The following ZFYVE9 variants were observed in gnomAD, a reference collection of about 807,000 sequenced individuals.
ZFYVE9 encodes the protein zinc finger FYVE-type containing 9, also known as zinc finger FYVE domain-containing protein 9.
A neutral mutation model predicts 126.7 loss-of-function variants in ZFYVE9; 43 were observed. The observed-to-expected ratio is 0.34, with a 90% confidence interval of 0.27 to 0.44. The LOEUF is 0.44. Ranked by LOEUF, ZFYVE9 falls within the 20% of genes least tolerant of loss-of-function variation. The probability of loss-of-function intolerance (pLI) is 1.00; values close to 1 mark genes in which losing one functional copy is unlikely to be tolerated. For missense variants in ZFYVE9, 1,476 were observed against 1,697.0 expected (o/e 0.87, Z 2.29); for synonymous variants, 521 against 597.4 (o/e 0.87, Z 1.87).
intron 17 of ZFYVE9, 22 bp from the exon 18 acceptor site, chr1:52,344,745 AG>A: frequency 6.2e-7 from 1 of 1,611,060 alleles, no homozygotes; most frequent in Non-Finnish European, 8.5e-7. Context: ...CAAGTTTAAA[AG>A]TCTCTTTTGT....
intron 1 of ZFYVE9, among the ~76,000 whole-genome samples, chr1:52,198,890 C>T (rs1644896066): frequency 6.6e-6 from 1 of 152,170 alleles, no homozygotes; most frequent in South Asian, 2.1e-4. Context: ...ACATCATTAT[C>T]ACCCAAAGAT....
intron 2 of ZFYVE9, among the ~76,000 whole-genome samples, chr1:52,217,203 T>A (rs1645079795): frequency 6.6e-6 from 1 of 152,196 alleles, no homozygotes; most frequent in African/African-American, 2.4e-5. Context: ...CTGTATCTTT[T>A]CCCTATTGGC....
At chr1:52,179,918 A>G in intron 1 of ZFYVE9, 1 of 1,032,416 alleles carries the variant, frequency 9.7e-7, no homozygotes, top group Non-Finnish European at 1.5e-6. Context: ...GTCTGAAAGA[A>G]TTGGAAGAGG....
At chr1:52,226,937 A>G (rs1216208002) in intron 2 of ZFYVE9, among the ~76,000 whole-genome samples, 1 of 152,194 alleles carries the variant, frequency 6.6e-6, no homozygotes, top group East Asian at 1.9e-4. Flanking sequence ...ATAGAATGGG[A>G]GGGATGTTTG....
At chr1:52,233,375 G>A (rs41294488) in intron 3 of ZFYVE9, 99 bp downstream of exon 3, 572 of 725,484 alleles carry the variant, frequency 7.9e-4, no homozygotes, top group Non-Finnish European at 1.1e-3. Flanking sequence ...CAGGTCTGAT[G>A]ACTTAATGAT....
At chr1:52,168,453 G>A (rs1373722496) in intron 1 of ZFYVE9, among the ~76,000 whole-genome samples, 1 of 151,576 alleles carries the variant, frequency 6.6e-6, no homozygotes, top group East Asian at 1.9e-4. Flanking sequence ...CTGACCTCAG[G>A]TGATCTGCCT....
At chr1:52,186,713 A>G (rs1644768560) in intron 1 of ZFYVE9, among the ~76,000 whole-genome samples, 1 of 152,170 alleles carries the variant, frequency 6.6e-6, no homozygotes, top group Non-Finnish European at 1.5e-5. Context: ...CCCATTCACA[A>G]TTGGCACAAA....
At chr1:52,199,902 T>C (rs370629070) in intron 1 of ZFYVE9, among the ~76,000 whole-genome samples, 53 of 152,310 alleles carry the variant, frequency 3.5e-4, no homozygotes, top group East Asian at 1.7e-3. Context: ...ATCTCATAGT[T>C]ATTTTAATTT....
Position 52,332,756 on chromosome 1 carries a change from CT to C in ZFYVE9, c.3439-9del. The C allele has an allele frequency of 6.2e-7, 1 of 1,612,182 alleles. No homozygotes were observed. Among genetic ancestry groups the C allele is most frequent in the South Asian group, 1.1e-5 (1 of 90,916 alleles). ...CATTCTTGTCAGAATAAGGTTATCTCTTTGATTGCAGATGATGAAAGCCATG... is the reference window on the plus strand; with the variant it reads ...CATTCTTGTCAGAATAAGGTTATCTCTTGATTGCAGATGATGAAAGCCATG... On this transcript the variant is annotated splice_polypyrimidine_tract_variant and intron_variant, in intron 13 of 18. Coordinates refer to ENST00000287727, the MANE Select transcript of ZFYVE9 (RefSeq NM_004799.4).
chr1:52,301,536 T>TC (rs1460454652), intron 12 of ZFYVE9, among the ~76,000 whole-genome samples: 3 of 152,118 alleles, frequency 2.0e-5, no homozygotes, highest in African/African-American at 7.2e-5. Context: ...ACTCCTGGGC[T>TC]CAAGCTATCC....
chr1:52,316,150 A>C (rs1436573137), intron 13 of ZFYVE9, among the ~76,000 whole-genome samples: 1 of 99,114 alleles, frequency 1.0e-5, no homozygotes, highest in African/African-American at 3.6e-5. Context: ...GGGCAACAAG[A>C]GTGAAACTCC....
chr1:52,284,235 AAGAT>A (rs981657947), intron 10 of ZFYVE9, among the ~76,000 whole-genome samples: 12 of 152,164 alleles, frequency 7.9e-5, no homozygotes, highest in Non-Finnish European at 1.2e-4. Flanking sequence ...TGGATCCCAG[AAGAT>A]AGATCTGAGT....
rs77865727 is a variant in ZFYVE9 at position 52,169,630 on chromosome 1, G to A, written c.-143+27227G>A. ...CCTGGTTAGATAAACTCCACTGAGT[G>A]TTTAACTGACTTAATTATTTTAAAA... On this transcript the variant is annotated intron_variant, in intron 1 of 18. Transcript: ENST00000287727. Among the ~76,000 whole-genome samples, 673 of 152,280 alleles carry A rather than the reference G, an allele frequency of 4.4e-3. 5 individuals carry two copies. Among genetic ancestry groups the A allele is most frequent in the African/African-American group, 0.016 (645 of 41,554 alleles).
chr1:52,182,984 G>T (rs1444633395), intron 1 of ZFYVE9, among the ~76,000 whole-genome samples: 1 of 152,138 alleles, frequency 6.6e-6, no homozygotes, highest in Non-Finnish European at 1.5e-5. Context: ...ATTAGGATTG[G>T]CAATTAGAAA....
At chr1:52,295,196 A>G (rs1371862971) in intron 11 of ZFYVE9, among the ~76,000 whole-genome samples, 1 of 151,404 alleles carries the variant, frequency 6.6e-6, no homozygotes, top group Non-Finnish European at 1.5e-5. Flanking sequence ...CTGTGTCTCA[A>G]AAAAAAAAGA....
intron 13 of ZFYVE9, among the ~76,000 whole-genome samples, chr1:52,307,133 A>G (rs1259035140): frequency 5.3e-5 from 8 of 152,240 alleles, no homozygotes; most frequent in Non-Finnish European, 1.0e-4. Context: ...CAAATAACAT[A>G]TTGCTATCCT....
chr1:52,280,023 A>G (rs1317973565), intron 9 of ZFYVE9, among the ~76,000 whole-genome samples: 2 of 152,102 alleles, frequency 1.3e-5, no homozygotes, highest in Non-Finnish European at 2.9e-5. Flanking sequence ...ATCAGATTTA[A>G]AATGAATTTG....
chr1:52,259,854 T>C (rs1005652930), intron 4 of ZFYVE9, among the ~76,000 whole-genome samples: 3 of 152,168 alleles, frequency 2.0e-5, no homozygotes, highest in African/African-American at 7.2e-5. Context: ...AACTTGACTA[T>C]ATTTTTCTTT....
intron 13 of ZFYVE9, among the ~76,000 whole-genome samples, chr1:52,306,526 A>G (rs900506789): frequency 3.9e-5 from 6 of 152,244 alleles, no homozygotes; most frequent in Non-Finnish European, 7.3e-5. Flanking sequence ...GCAGGACAAG[A>G]ACTCGGGACC....
Sources: allele counts gnomAD v4.1 joint callset (sites outside exome capture counted in the v4.1 genomes callset), GRCh38; gene constraint gnomAD v4.1.1; transcripts MANE v1.5; gene names NCBI Gene and HGNC (gene_info 2026-07-23, HGNC 2026-07-21).